FAT1: variants seen among roughly 807,000 people sequenced by gnomAD.
FAT1 encodes the protein FAT atypical cadherin 1.
In FAT1, 171 loss-of-function variants were observed where a neutral mutation model predicts 329.8. That is an observed-to-expected ratio of 0.52 (90% CI 0.46 to 0.59). The LOEUF is 0.59. Ranked by LOEUF, FAT1 falls within the 20% of genes least tolerant of loss-of-function variation. The pLI, the probability that FAT1 is intolerant of heterozygous loss-of-function variation, is 0.00. For synonymous variants in FAT1, 2,233 were observed against 2,228.6 expected (o/e 1.00, Z -0.06); for missense variants, 5,672 against 5,774.4 (o/e 0.98, Z 0.57).
chr4:186,708,203 T>G lies in FAT1; in HGVS notation c.1625A>C (p.Asp542Ala), dbSNP rs2126694643. ...RVYTLRIRASDWGLPYRREVE... is the reference protein window; with the variant it reads ...RVYTLRIRASAWGLPYRREVE... ...TTCCCGGCGGTACGGCAAGCCCCAG[T>G]CTGATGCACGAATCCTCAGAGTATA... The change falls in exon 2 of 27, where the codon GAC becomes GCC. Residue 542 changes from aspartate to alanine, a missense_variant. By Grantham distance (126) the Asp-to-Ala change is moderately radical (BLOSUM62 -2). Coordinates refer to ENST00000441802, the MANE Select transcript of FAT1 (RefSeq NM_005245.4). The G allele has an allele frequency of 6.2e-7, 1 of 1,614,008 alleles. No homozygotes were observed. Among genetic ancestry groups the G allele is most frequent in the South Asian group, 1.1e-5 (1 of 91,078 alleles).
chr4:186,699,650 T>C (rs1744204969), intron 2 of FAT1, among the ~76,000 whole-genome samples: 1 of 151,828 alleles, frequency 6.6e-6, no homozygotes, highest in Non-Finnish European at 1.5e-5. Context: ...CACTATGTCT[T>C]GTATGGAGCA....
chr4:186,689,509 C>T (rs1231695938), intron 2 of FAT1, among the ~76,000 whole-genome samples: 2 of 152,026 alleles, frequency 1.3e-5, no homozygotes, highest in African/African-American at 2.4e-5. Flanking sequence ...TTAACCAAAG[C>T]GAGAGAGAGT....
At chr4:186,666,827 GA>G (rs1175374435) in intron 2 of FAT1, among the ~76,000 whole-genome samples, 1 of 152,176 alleles carries the variant, frequency 6.6e-6, no homozygotes, top group East Asian at 1.9e-4. Flanking sequence ...TTTCACTAAC[GA>G]AAAACTCAGA....
At chr4:186,679,416 CAAAAAAAAAAAAAAAA>C (rs1169141587) in intron 2 of FAT1, among the ~76,000 whole-genome samples, 1 of 50,310 alleles carries the variant, frequency 2.0e-5, no homozygotes, top group South Asian at 7.9e-4. Flanking sequence ...GACTCTGTCT[CAAAAAAAAAAAAAAAA>C]AAAAAAAAAA....
At chr4:186,615,763 T>C (rs1462101548) in intron 11 of FAT1, among the ~76,000 whole-genome samples, 1 of 144,972 alleles carries the variant, frequency 6.9e-6, no homozygotes, top group Non-Finnish European at 1.5e-5. Context: ...GAAATAGCTC[T>C]CTCTTCTTTT....
chr4:186,686,561 T>C (rs1251729430), intron 2 of FAT1, among the ~76,000 whole-genome samples: 1 of 152,234 alleles, frequency 6.6e-6, no homozygotes, highest in East Asian at 1.9e-4. Context: ...TTGAATCTAT[T>C]GCCTAAAGTC....
chr4:186,670,143 C>T (rs1283909972), intron 2 of FAT1, among the ~76,000 whole-genome samples: 1 of 152,212 alleles, frequency 6.6e-6, no homozygotes, highest in Non-Finnish European at 1.5e-5. Flanking sequence ...CCCAATCAAG[C>T]CTTAATGCCA....
At chr4:186,593,988 A>G (rs1261987878) in intron 26 of FAT1, among the ~76,000 whole-genome samples, 1 of 152,148 alleles carries the variant, frequency 6.6e-6, no homozygotes, top group East Asian at 1.9e-4. Flanking sequence ...ACTCCTGTAT[A>G]TATGTTTTTT....
In FAT1 at chr4:186,618,195, G is replaced by T. The variant is rs1187839041; in HGVS notation, c.8391C>A (p.Ile2797=). ...TGTTGTCATTTGCATCTTTCACTTG[G>T]ATACTAACATCTACAGAAGCCACCA... ...HEMVASVDVS[I]QVKDANDNSP... The change falls in exon 10 of 27, where the codon ATC becomes ATA. Residue 2797 remains isoleucine (I), a synonymous_variant. Coordinates refer to ENST00000441802, the MANE Select transcript of FAT1 (RefSeq NM_005245.4). 6.2e-7 allele frequency: 1 copy of T among 1,613,994 alleles called. No individual in the cohort carries two copies. Among genetic ancestry groups the T allele is most frequent in the African/African-American group, 1.3e-5 (1 of 75,030 alleles).
rs572464507 is a variant in FAT1 at position 186,619,255 on chromosome 4, G to A, written c.7331C>T (p.Thr2444Ile). 22 of 1,613,976 alleles carry A rather than the reference G, an allele frequency of 1.4e-5. No homozygotes were observed. In the South Asian group the frequency reaches 1.8e-4, roughly 13 times the overall value. ...DHKHFVIDSA[T>I]GIITLSNLHR... is the part of the protein sequence containing the mutation. The stretch of plus-strand genomic sequence containing the variant: ...CAGGTTTGAGAGGGTGATAATCCCT[G>A]TTGCACTGTCAATGACAAAATGTTT... The change falls in exon 10 of 27, where the codon ACA becomes ATA. Residue 2444 changes from threonine to isoleucine, a missense_variant. Transcript: ENST00000441802.
rs778042377 is a variant in FAT1, at chr4:186,596,602, G to A, written c.12938C>T (p.Pro4313Leu). 1 of 1,612,708 alleles carries A rather than the reference G, an allele frequency of 6.2e-7. No individual in the cohort carries two copies. Among genetic ancestry groups the A allele is most frequent in the Non-Finnish European group, 8.5e-7 (1 of 1,179,414 alleles). The change falls in exon 25 of 27, where the codon CCT (proline) becomes CTT (leucine). Residue 4313 changes from proline (P) to leucine (L), a missense_variant. Physicochemically the swap from Pro to Leu is moderately conservative, Grantham distance 98. Around this residue, in one of 2 missense-constraint regions of FAT1, gnomAD observed 1,706 missense variants for 1,859.1 expected, o/e 0.92. Coordinates refer to ENST00000441802, the MANE Select transcript of FAT1 (RefSeq NM_005245.4). The surrounding 1 kb of genome is among the most constrained non-coding windows in gnomAD (Gnocchi z 4.7). ...SVAPNLPPPP[P>L]SNSPSDSDSI... ...GTCGCTGTCAGAAGGGGAGTTTGAA[G>A]GGGGTGGGGGAGGCAGGTTTGGCGC...
intron 2 of FAT1, among the ~76,000 whole-genome samples, chr4:186,671,189 T>A (rs1742710009): frequency 6.6e-6 from 1 of 152,200 alleles, no homozygotes; most frequent in Non-Finnish European, 1.5e-5. Context: ...AGACTGATGT[T>A]AATATTTCCA....
intron 1 of FAT1, among the ~76,000 whole-genome samples, chr4:186,713,530 T>C (rs1745063737): frequency 6.6e-6 from 1 of 152,180 alleles, no homozygotes; most frequent in Admixed American, 6.5e-5. Context: ...CACCCCTCCC[T>C]GTACTGTATT....
At chr4:186,681,349 A>G (rs538415038) in intron 2 of FAT1, among the ~76,000 whole-genome samples, 122 of 152,354 alleles carry the variant, frequency 8.0e-4, no homozygotes, top group African/African-American at 2.2e-3. Context: ...ATCTATTTTG[A>G]TGTTTGAGAA....
intron 1 of FAT1, among the ~76,000 whole-genome samples, chr4:186,716,011 T>A (rs982329660): frequency 1.3e-5 from 2 of 152,192 alleles, no homozygotes; most frequent in African/African-American, 2.4e-5. Flanking sequence ...GCCCCTGTGC[T>A]GAAAACCTAA....
chr4:186,595,363 G>A (rs1416162195), intron 26 of FAT1, among the ~76,000 whole-genome samples: 1 of 151,992 alleles, frequency 6.6e-6, no homozygotes, highest in Non-Finnish European at 1.5e-5. Flanking sequence ...TAAGAAAGTT[G>A]CGAGGAAGAT....
intron 3 of FAT1, among the ~76,000 whole-genome samples, chr4:186,651,213 T>A (rs1181350103): frequency 6.6e-6 from 1 of 151,814 alleles, no homozygotes; most frequent in Non-Finnish European, 1.5e-5. Context: ...AGACTGTAAC[T>A]GTGGAACTCC....
intron 16 of FAT1, 121 bp downstream of exon 16, chr4:186,609,062 G>A (rs1311730197): frequency 1.0e-6 from 1 of 985,774 alleles, no homozygotes; most frequent in African/African-American, 1.6e-5. Flanking sequence ...TTTACATGTT[G>A]CCGTCAGTTC....
At chr4:186,697,961 T>C (rs1036531425) in intron 2 of FAT1, among the ~76,000 whole-genome samples, 3 of 152,178 alleles carry the variant, frequency 2.0e-5, no homozygotes, top group African/African-American at 4.8e-5. Flanking sequence ...AGAAAGAATA[T>C]ACAGCTTTCC....
Sources: allele counts gnomAD v4.1 joint callset (sites outside exome capture counted in the v4.1 genomes callset), GRCh38; gene constraint gnomAD v4.1.1; regional missense constraint gnomAD v4.1.1; non-coding constraint Gnocchi (gnomAD v3.1); transcripts MANE v1.5; gene names NCBI Gene and HGNC (gene_info 2026-07-23, HGNC 2026-07-21).